ENKUR: variants seen among roughly 807,000 people sequenced by gnomAD.
ENKUR encodes enkurin.
In ENKUR, 19 loss-of-function variants were observed where a neutral mutation model predicts 27.6. The observed-to-expected ratio is 0.69, with a 90% CI of 0.48 to 1.01. The LOEUF is 1.01. ENKUR is among the 50% of genes least tolerant of loss of function. The probability of loss-of-function intolerance (pLI) is 0.00; values close to 1 mark genes in which losing one functional copy is unlikely to be tolerated. For missense variants in ENKUR, 312 were observed against 310.5 expected, an observed-to-expected ratio of 1.00 and a Z score of -0.04; for synonymous variants, 117 against 96.9, an observed-to-expected ratio of 1.21 and a Z score of -1.22.
At chr10:25,023,240 G>C in intron 2 of ENKUR, 1 of 1,611,900 alleles carries the variant, frequency 6.2e-7, no homozygotes, top group South Asian at 1.1e-5. Context: ...CACTTTAACC[G>C]ATGTCATCAT....
intron 2 of ENKUR, among the ~76,000 whole-genome samples, chr10:25,027,372 A>C (rs1047801363): frequency 9.8e-5 from 14 of 143,190 alleles, no homozygotes; most frequent in African/African-American, 3.5e-4. Flanking sequence ...AAAAAAAAAA[A>C]AAAAAAAAAA....
intron 4 of ENKUR, among the ~76,000 whole-genome samples, chr10:24,985,651 G>A (rs536160104): frequency 3.9e-5 from 6 of 152,172 alleles, no homozygotes; most frequent in Non-Finnish European, 8.8e-5. Flanking sequence ...TTCTGTTTCT[G>A]CATAATTATC....
chr10:24,993,590 TA>T (rs1224444564), intron 3 of ENKUR, among the ~76,000 whole-genome samples: 5 of 152,258 alleles, frequency 3.3e-5, no homozygotes, highest in Non-Finnish European at 7.3e-5. Context: ...ACATTGACTT[TA>T]AAAGAATTTA....
At chr10:25,024,487 G>A (rs549760938) in intron 2 of ENKUR, 4 of 1,614,160 alleles carry the variant, frequency 2.5e-6, no homozygotes, top group East Asian at 2.2e-5. Context: ...ACAAATAATT[G>A]GCAGTCAGAG....
At chr10:25,009,119 GA>G (rs1482340188) in intron 1 of ENKUR, among the ~76,000 whole-genome samples, 1 of 152,180 alleles carries the variant, frequency 6.6e-6, no homozygotes, top group Non-Finnish European at 1.5e-5. Context: ...GGTGGGAGGA[GA>G]GGGGAGGGAT....
chr10:25,031,058 C>T (rs1227274135), intron 2 of ENKUR, among the ~76,000 whole-genome samples: 2 of 152,176 alleles, frequency 1.3e-5, no homozygotes, highest in African/African-American at 2.4e-5. Context: ...GCAGAGATTG[C>T]AGTAGCCAAG....
At position 25,024,642 on chromosome 10, in the gene ENKUR, G is replaced by T. The variant is rs1319829145; in HGVS notation, c.38-28773C>A. On this transcript the variant is annotated intron_variant, in intron 2 of 5. Coordinates refer to the ENKUR transcript ENST00000615958. Reference sequence around the variant, plus strand: ...TAAGTTCGGCTAACTCCATAAACTGGGGCCGACTACTTCCGCAGGTAGTTT... The same window carrying T: ...TAAGTTCGGCTAACTCCATAAACTGTGGCCGACTACTTCCGCAGGTAGTTT... The T allele has an allele frequency of 3.1e-6, 5 of 1,614,082 alleles. No individual in the cohort carries two copies. Among genetic ancestry groups the T allele is most frequent in the Non-Finnish European group, 4.2e-6 (5 of 1,180,048 alleles).
At chr10:25,015,809 T>C in intron 1 of ENKUR, 51 bp downstream of exon 1, 1 of 1,505,274 alleles carries the variant, frequency 6.6e-7, no homozygotes, top group Non-Finnish European at 8.9e-7. Context: ...TAATTAATAC[T>C]GAGTATTCCC....
At chr10:25,044,597 A>G (rs1237702437) in intron 2 of ENKUR, among the ~76,000 whole-genome samples, 1 of 152,078 alleles carries the variant, frequency 6.6e-6, no homozygotes, top group East Asian at 1.9e-4. Flanking sequence ...TAGTCTCGCT[A>G]TGTTGCCCAG....
intron 2 of ENKUR, among the ~76,000 whole-genome samples, chr10:25,054,009 A>G (rs1298500436): frequency 6.6e-6 from 1 of 152,144 alleles, no homozygotes; most frequent in East Asian, 1.9e-4. Flanking sequence ...TTATATTGTC[A>G]CTACTGGTTG....
At chr10:25,025,745 T>C (rs1310728868) in intron 2 of ENKUR, 5 of 312,904 alleles carry the variant, frequency 1.6e-5, no homozygotes, top group Admixed American at 9.3e-5. Context: ...CTCACTGTTA[T>C]GTGGACCAAA....
At chr10:25,060,271 T>C (rs1818292914) in intron 2 of ENKUR, among the ~76,000 whole-genome samples, 1 of 152,102 alleles carries the variant, frequency 6.6e-6, no homozygotes, top group Non-Finnish European at 1.5e-5. Context: ...TCCTGGGTAA[T>C]TTGGCTGGGC....
chr10:25,052,279 G>T (rs1391619006), intron 2 of ENKUR, among the ~76,000 whole-genome samples: 1 of 152,220 alleles, frequency 6.6e-6, no homozygotes, highest in African/African-American at 2.4e-5. Flanking sequence ...AAGTAAAGAG[G>T]TCAGTATGCT....
chr10:25,016,044 T>G lies in ENKUR; in HGVS notation c.-108A>C. The G allele has an allele frequency of 6.8e-7, 1 of 1,475,658 alleles. No individual in the cohort carries two copies. Among genetic ancestry groups the G allele is most frequent in the Non-Finnish European group, 9.0e-7 (1 of 1,109,550 alleles). The allele number at this position is 1,475,658 out of a possible 1,614,324, so 91.4% of individuals were successfully genotyped here. ...TCCCCTTTCTTTCTTCTTCGCCTTC[T>G]GAAGGACCACAGGTTCTCTCCTTCA... On this transcript the variant is annotated 5_prime_UTR_variant, in exon 1 of 6. Transcript: ENST00000331161.
chr10:25,042,171 GA>G (rs1386033889), intron 2 of ENKUR, among the ~76,000 whole-genome samples: 1 of 150,614 alleles, frequency 6.6e-6, no homozygotes, highest in Non-Finnish European at 1.5e-5. Flanking sequence ...AAATGTTTCT[GA>G]AAAAAATTAT....
intron 2 of ENKUR, chr10:25,023,381 T>C (rs1198745350): frequency 1.2e-6 from 2 of 1,614,044 alleles, no homozygotes; most frequent in South Asian, 1.1e-5. Context: ...CACTCTCTTG[T>C]TGGAGACAAA....
At position 24,984,025 on chromosome 10, in the gene ENKUR, T is replaced by C; in HGVS notation, c.*345A>G. On this transcript the variant is annotated 3_prime_UTR_variant, in exon 6 of 6. Coordinates refer to ENST00000331161, the MANE Select transcript of ENKUR (RefSeq NM_145010.4). Reference sequence around the variant, plus strand: ...ATTTAAATAAGATATGCATAGTGAGTTGTGGAATAAAATAAGAGTATCGAG... The same window carrying C: ...ATTTAAATAAGATATGCATAGTGAGCTGTGGAATAAAATAAGAGTATCGAG... The C allele has an allele frequency of 4.2e-6, 1 of 237,094 alleles. No homozygotes were observed. Among genetic ancestry groups the C allele is most frequent in the Non-Finnish European group, 8.0e-6 (1 of 124,498 alleles). 14.7% of individuals were successfully genotyped at this position (237,094 alleles called of 1,614,324 possible). A position where few individuals can be genotyped will look rare whatever the true frequency, so the allele number is the denominator to read the frequency against.
intron 2 of ENKUR, among the ~76,000 whole-genome samples, chr10:24,998,753 G>C (rs979155239): frequency 4.6e-5 from 7 of 151,828 alleles, no homozygotes; most frequent in Non-Finnish European, 8.8e-5. Context: ...CCATAACTGG[G>C]ATCAAGTATA....
rs780999571 is a variant in ENKUR at position 25,040,538 on chromosome 10, C to T, written c.37+20574G>A. Among the ~76,000 whole-genome samples, 23 of 131,370 alleles carry T rather than the reference C, an allele frequency of 1.8e-4. 1 individual carries two copies. Among genetic ancestry groups the T allele is most frequent in the Non-Finnish European group, 3.3e-4 (21 of 63,548 alleles). 86.2% of individuals were successfully genotyped at this position (131,370 alleles called of 152,430 possible). On this transcript the variant is annotated intron_variant, in intron 2 of 5. Transcript: ENST00000615958. The stretch of plus-strand genomic sequence containing the variant: ...GGCGCCTGCCACCACGCCCGGCTAA[C>T]TTTTTTTGTATTATCAGTAGAAACG...
Sources: gnomAD v4.1 joint callset for allele counts (sites outside exome capture counted in the v4.1 genomes callset) on GRCh38, gnomAD v4.1.1 for gene constraint, MANE v1.5 for transcripts, NCBI Gene and HGNC (gene_info 2026-07-23, HGNC 2026-07-21) for gene names.